The following MINDY4 variants were observed in gnomAD, a reference collection of about 807,000 sequenced individuals.
MINDY4 encodes probable ubiquitin carboxyl-terminal hydrolase MINDY-4.
Under a neutral mutation model 87.0 loss-of-function variants are expected in MINDY4, and 68 were observed. The ratio of observed to expected loss-of-function variants is 0.78; its 90% CI spans 0.64 to 0.96. The LOEUF (loss-of-function observed/expected upper bound fraction) is 0.96, where lower values mean the gene tolerates loss of function less well. Ranked by LOEUF, MINDY4 falls within the 40% of genes least tolerant of loss-of-function variation. The probability of loss-of-function intolerance (pLI) is 0.00; values close to 1 mark genes in which losing one functional copy is unlikely to be tolerated. For missense variants in MINDY4, 919 were observed against 928.2 expected (o/e 0.99, Z 0.13); for synonymous variants, 379 against 363.2 (o/e 1.04, Z -0.50).
At chr7:30,775,358 C>A (rs1419380144) in intron 1 of MINDY4, among the ~76,000 whole-genome samples, 1 of 152,108 alleles carries the variant, frequency 6.6e-6, no homozygotes, top group Non-Finnish European at 1.5e-5. Context: ...ACTTTACTTA[C>A]ATTTACCAGT....
chr7:30,839,412 A>G (rs1353493152), intron 8 of MINDY4, 96 bp downstream of exon 8: 4 of 708,826 alleles, frequency 5.6e-6, no homozygotes, highest in Non-Finnish European at 9.5e-6. Flanking sequence ...TGTGAGCATT[A>G]GCTGAGCTAT....
intron 5 of MINDY4, among the ~76,000 whole-genome samples, chr7:30,821,770 A>AT (rs11451011): frequency 0.38 from 58,046 of 151,896 alleles, 14,588 homozygotes; most frequent in African/African-American, 0.7. Flanking sequence ...CTCTCTCCTG[A>AT]TGGTGATATT....
chr7:30,850,184 T>C (rs1789365004), intron 9 of MINDY4, among the ~76,000 whole-genome samples: 1 of 152,166 alleles, frequency 6.6e-6, no homozygotes, highest in South Asian at 2.1e-4. Context: ...CAGAGCCCTC[T>C]TTGCTCCTGT....
intron 2 of MINDY4, chr7:30,780,041 C>G (rs897038525): frequency 3.3e-5 from 5 of 152,190 alleles, no homozygotes; most frequent in African/African-American, 9.6e-5. Context: ...CTCTTGCTCC[C>G]CTTTGAGGAG....
intron 3 of MINDY4, among the ~76,000 whole-genome samples, chr7:30,784,618 T>C (rs1285571088): frequency 6.6e-6 from 1 of 152,220 alleles, no homozygotes; most frequent in African/African-American, 2.4e-5. Flanking sequence ...CCCCGGCTGC[T>C]CCCCTGAGCA....
intron 1 of MINDY4, 119 bp from the exon 2 acceptor site, chr7:30,778,311 CAA>C: frequency 7.9e-7 from 1 of 1,258,688 alleles, no homozygotes; most frequent in Non-Finnish European, 1.1e-6. Flanking sequence ...AAGGTGATGT[CAA>C]GTGTAAAGGT....
At chr7:30,822,891 A>G (rs1584277681) in intron 5 of MINDY4, among the ~76,000 whole-genome samples, 1 of 151,262 alleles carries the variant, frequency 6.6e-6, no homozygotes, top group Admixed American at 6.6e-5. Flanking sequence ...CAGTCGGCCC[A>G]CCTTGGCCTC....
chr7:30,883,249 A>G (rs1790527163), intron 17 of MINDY4, among the ~76,000 whole-genome samples: 1 of 152,130 alleles, frequency 6.6e-6, no homozygotes, highest in Admixed American at 6.5e-5. Context: ...TGGGGGCTAA[A>G]TGGGCACCTC....
intron 12 of MINDY4, among the ~76,000 whole-genome samples, chr7:30,856,138 G>A (rs1273705053): frequency 1.3e-5 from 2 of 152,170 alleles, no homozygotes; most frequent in Non-Finnish European, 2.9e-5. Flanking sequence ...GGTAGACTCA[G>A]GTCTCTGTGG....
At chr7:30,831,634 A>G (rs1788704127) in intron 6 of MINDY4, among the ~76,000 whole-genome samples, 1 of 151,960 alleles carries the variant, frequency 6.6e-6, no homozygotes, top group South Asian at 2.1e-4. Context: ...TTTTATTGAA[A>G]CTGAAGCCAG....
chr7:30,853,309 CT>C (rs1789473024), intron 11 of MINDY4, 84 bp from the exon 12 acceptor site: 18 of 1,173,958 alleles, frequency 1.5e-5, no homozygotes, highest in Non-Finnish European at 2.1e-5. Context: ...TTTGTAGCTA[CT>C]AAAGCCAGGG....
chr7:30,856,222 T>A (rs1253612301), intron 12 of MINDY4, among the ~76,000 whole-genome samples: 1 of 151,866 alleles, frequency 6.6e-6, no homozygotes, highest in Admixed American at 6.5e-5. Context: ...ATGGCAGTTT[T>A]CAGGCCAGTT....
At chr7:30,827,382 G>T (rs1365361602) in intron 5 of MINDY4, among the ~76,000 whole-genome samples, 5 of 152,274 alleles carry the variant, frequency 3.3e-5, no homozygotes, top group Admixed American at 2.0e-4. Context: ...AGGCGGAGGT[G>T]GGAGAAGTGT....
chr7:30,869,965 A>C (rs1260037695), intron 13 of MINDY4, among the ~76,000 whole-genome samples: 3 of 152,194 alleles, frequency 2.0e-5, no homozygotes, highest in African/African-American at 7.2e-5. Context: ...CTATTCCCCT[A>C]GAGGGAGGTC....
At chr7:30,858,378 C>T (rs868466827) in intron 12 of MINDY4, 1 of 152,208 alleles carries the variant, frequency 6.6e-6, no homozygotes, top group East Asian at 1.9e-4. Flanking sequence ...GTGATTATTA[C>T]CCTCTTTTTA....
chr7:30,885,706 A>ACCCCCCCCCCC (rs144436645), intron 17 of MINDY4, among the ~76,000 whole-genome samples: 1 of 123,960 alleles, frequency 8.1e-6, no homozygotes, highest in African/African-American at 3.1e-5. Context: ...GGCAGTGCCC[A>ACCCCCCCCCCC]CCCCCCCCCC....
intron 9 of MINDY4, among the ~76,000 whole-genome samples, chr7:30,846,159 A>G (rs1789210029): frequency 6.6e-6 from 1 of 152,212 alleles, no homozygotes; most frequent in Non-Finnish European, 1.5e-5. Context: ...CATTGGTAGC[A>G]GAACCTATGG....
intron 12 of MINDY4, 45 bp downstream of exon 12, chr7:30,853,504 T>C (rs767780182): frequency 6.8e-7 from 1 of 1,481,200 alleles, no homozygotes; most frequent in Non-Finnish European, 9.4e-7. Context: ...TCACTAAGCC[T>C]TCTGATTTCA....
intron 12 of MINDY4, chr7:30,858,874 C>T (rs569845768): frequency 1.9e-4 from 80 of 411,070 alleles, no homozygotes; most frequent in Non-Finnish European, 3.7e-4. Flanking sequence ...CTCAGTTCCA[C>T]ATATGCTAGA....
Sources: allele counts gnomAD v4.1 joint callset (sites outside exome capture counted in the v4.1 genomes callset), GRCh38; gene constraint gnomAD v4.1.1; transcripts MANE v1.5; gene names NCBI Gene and HGNC (gene_info 2026-07-23, HGNC 2026-07-21).